Variants in NUP93 observed in about 807,000 individuals in gnomAD.
NUP93 encodes the protein nucleoporin 93, also known as nuclear pore complex protein Nup93.
Under a neutral mutation model 107.8 loss-of-function variants are expected in NUP93, and 55 were observed. The observed-to-expected ratio is 0.51, with a 90% CI of 0.41 to 0.64. The LOEUF (loss-of-function observed/expected upper bound fraction) is 0.64. Among genes scored for constraint, NUP93 ranks in the 30% least tolerant of loss-of-function variants. NUP93 has a pLI of 0.00. For synonymous variants in NUP93, 390 were observed against 397.5 expected, an observed-to-expected ratio of 0.98 and a Z score of 0.22; for missense variants, 937 against 1,044.7, an observed-to-expected ratio of 0.90 and a Z score of 1.42.
chr16:56,746,927 G>T (rs1471032562), intron 1 of NUP93, among the ~76,000 whole-genome samples: 1 of 151,936 alleles, frequency 6.6e-6, no homozygotes, highest in African/African-American at 2.4e-5. Context: ...AGGAAAAAAA[G>T]TATAACAAGA....
chr16:56,830,522 T>G lies in NUP93; in HGVS notation c.928-6T>G, dbSNP rs1963759206. 6.4e-7 allele frequency: 1 copy of G among 1,567,670 alleles called. No homozygotes were observed. ...TATTTTGAGCACTTAACTGTTCCTC[T>G]TTTAGGATGGAGAGGTGGAAGGCCA... On this transcript the variant is annotated splice_polypyrimidine_tract_variant and splice_region_variant and intron_variant, in intron 9 of 21. Transcript: ENST00000308159.
intron 18 of NUP93, among the ~76,000 whole-genome samples, chr16:56,838,004 C>A (rs1325471231): frequency 6.6e-6 from 1 of 152,170 alleles, no homozygotes; most frequent in Non-Finnish European, 1.5e-5. Context: ...TAATTTTAAG[C>A]ATTATGCTCG....
Position 56,830,778 on chromosome 16 carries a change from CA to C in NUP93, c.1085+97del, listed in dbSNP as rs1160603760. 10 of 1,211,096 alleles carry C rather than the reference CA, an allele frequency of 8.3e-6. No individual in the cohort carries two copies. In the South Asian group the frequency reaches 1.4e-4, roughly 16 times the overall value. 75.0% of individuals were successfully genotyped at this position (1,211,096 alleles called of 1,614,324 possible). A position where few individuals can be genotyped will look rare whatever the true frequency, so the allele number is the denominator to read the frequency against. ...TTATTCTCTTTTCCCTGGACGGGCC[CA>C]AAACAAGTTTCTGCTTGGGGGAAAA... On this transcript the variant is annotated intron_variant, in intron 10 of 21. Transcript: ENST00000308159.
chr16:56,771,887 G>A (rs987362630), intron 3 of NUP93, among the ~76,000 whole-genome samples: 4 of 152,206 alleles, frequency 2.6e-5, no homozygotes, highest in Non-Finnish European at 1.5e-5. Flanking sequence ...ACTTTAGGTG[G>A]ACTGGAAGGA....
intron 4 of NUP93, 59 bp downstream of exon 4, chr16:56,798,597 G>T: frequency 7.3e-7 from 1 of 1,368,870 alleles, no homozygotes; most frequent in East Asian, 2.3e-5. Context: ...GCTGGGCGTG[G>T]TGGCTCACAT....
At chr16:56,737,886 A>G (rs1434149902) in intron 1 of NUP93, among the ~76,000 whole-genome samples, 2 of 152,208 alleles carry the variant, frequency 1.3e-5, no homozygotes, top group African/African-American at 2.4e-5. Flanking sequence ...GTCTCTAGCT[A>G]TTGCTGAATG....
chr16:56,770,458 A>G (rs563550786), intron 3 of NUP93, among the ~76,000 whole-genome samples: 3 of 152,308 alleles, frequency 2.0e-5, no homozygotes, highest in African/African-American at 7.2e-5. Flanking sequence ...AAAAACATTA[A>G]ATCTGTGACT....
intron 2 of NUP93, among the ~76,000 whole-genome samples, chr16:56,755,700 C>T (rs1232366506): frequency 6.6e-6 from 1 of 151,996 alleles, no homozygotes; most frequent in Non-Finnish European, 1.5e-5. Flanking sequence ...CATGGAGAAA[C>T]CCTGTCTCTA....
intron 3 of NUP93, among the ~76,000 whole-genome samples, chr16:56,797,297 G>A (rs1962922247): frequency 6.6e-6 from 1 of 152,210 alleles, no homozygotes; most frequent in African/African-American, 2.4e-5. Flanking sequence ...TGACATGCTT[G>A]TACCTTGCAT....
At chr16:56,825,850 G>A (rs987728731) in intron 8 of NUP93, among the ~76,000 whole-genome samples, 10 of 152,228 alleles carry the variant, frequency 6.6e-5, no homozygotes, top group Non-Finnish European at 1.3e-4. Context: ...TTTGATAAAG[G>A]GGGTATTTTA....
At chr16:56,736,022 C>A (rs914540156) in intron 1 of NUP93, among the ~76,000 whole-genome samples, 1 of 152,044 alleles carries the variant, frequency 6.6e-6, no homozygotes, top group African/African-American at 2.4e-5. Context: ...AATATAAATA[C>A]CCCATGCTAT....
intron 5 of NUP93, among the ~76,000 whole-genome samples, chr16:56,812,317 A>G (rs1963333008): frequency 1.3e-5 from 2 of 152,198 alleles, no homozygotes; most frequent in African/African-American, 4.8e-5. Context: ...TAAAGGAGAC[A>G]TTGGTAATAT....
rs749173728 is a variant in NUP93 at position 56,841,851 on chromosome 16, G to A, written c.2349+18G>A. 35 of 1,613,020 alleles carry A rather than the reference G, an allele frequency of 2.2e-5. No homozygotes were observed. The highest frequency in any genetic ancestry group is 2.3e-5 in the Non-Finnish European group (27 of 1,179,576). On this transcript the variant is annotated intron_variant, in intron 21 of 21. Coordinates refer to ENST00000308159, the MANE Select transcript of NUP93 (RefSeq NM_014669.5). ...GCGACTCTGTAAGATCCCAGCATTC[G>A]CGAGAAACATTGCTAAGCACCACCT... is the stretch of plus-strand genomic sequence containing the variant.
chr16:56,774,698 C>T (rs1962381046), intron 3 of NUP93, among the ~76,000 whole-genome samples: 1 of 152,140 alleles, frequency 6.6e-6, no homozygotes, highest in African/African-American at 2.4e-5. Flanking sequence ...AGTGCTCTTA[C>T]TTTATGCTGG....
chr16:56,798,808 G>A (rs1962955877), intron 4 of NUP93, among the ~76,000 whole-genome samples: 1 of 151,572 alleles, frequency 6.6e-6, no homozygotes, highest in Non-Finnish European at 1.5e-5. Context: ...AGAGGCTTGA[G>A]TGAGCCGAGT....
At chr16:56,744,860 T>G (rs1961796053) in intron 1 of NUP93, among the ~76,000 whole-genome samples, 1 of 152,200 alleles carries the variant, frequency 6.6e-6, no homozygotes, top group Admixed American at 6.5e-5. Context: ...AAGGGAATGT[T>G]TCTGTTCAGA....
At position 56,849,412 on chromosome 16, in the gene NUP93, C is replaced by T. The variant is rs1260056942; in HGVS notation, c.*4803C>T. 1 of 152,274 alleles carries T rather than the reference C, an allele frequency of 6.6e-6. No individual in the cohort carries two copies. Among genetic ancestry groups the T allele is most frequent in the African/African-American group, 2.4e-5 (1 of 41,478 alleles). 9.4% of individuals were successfully genotyped at this position (152,274 alleles called of 1,614,324 possible). On this transcript the variant is annotated 3_prime_UTR_variant, in exon 22 of 22. Transcript: ENST00000308159. ...ATCTGTACACCTGGCTGCCTTTGCC[C>T]TTGAGCTTCTATTTCTTGGGGATGG...
At chr16:56,773,239 G>A (rs1370464936) in intron 3 of NUP93, among the ~76,000 whole-genome samples, 5 of 152,238 alleles carry the variant, frequency 3.3e-5, no homozygotes, top group Non-Finnish European at 5.9e-5. Flanking sequence ...ATTTGGTTGC[G>A]TTTCTTGTGT....
At chr16:56,780,856 C>T (rs1962501126) in intron 3 of NUP93, among the ~76,000 whole-genome samples, 2 of 152,114 alleles carry the variant, frequency 1.3e-5, no homozygotes, top group African/African-American at 4.8e-5. Context: ...TTTCCTTTTG[C>T]AGTCTGCACC....
Sources: allele counts gnomAD v4.1 joint callset (sites outside exome capture counted in the v4.1 genomes callset), GRCh38; gene constraint gnomAD v4.1.1; transcripts MANE v1.5; gene names NCBI Gene and HGNC (gene_info 2026-07-23, HGNC 2026-07-21).